The following RPS6KA3 variants were observed in gnomAD, a reference collection of about 807,000 sequenced individuals.
RPS6KA3 encodes the protein ribosomal protein S6 kinase alpha-3.
A neutral mutation model predicts 67.2 loss-of-function variants in RPS6KA3; 4 were observed. That is an observed-to-expected ratio of 0.06 (90% CI 0.03 to 0.14). The LOEUF is 0.14. Among genes scored for constraint, RPS6KA3 ranks in the 10% least tolerant of loss-of-function variants. The pLI, the probability that RPS6KA3 is intolerant of heterozygous loss-of-function variation, is 1.00. For missense variants in RPS6KA3, 204 were observed against 559.0 expected (o/e 0.36, Z 6.40); for synonymous variants, 182 against 183.7 (o/e 0.99, Z 0.07).
At chrX:20,198,067 G>T (rs2068320982) in intron 4 of RPS6KA3, among the ~76,000 whole-genome samples, 1 of 112,139 alleles carries the variant, frequency 8.9e-6, no homozygotes, top group South Asian at 3.7e-4. Context: ...TTTATCTAAT[G>T]TTATTGACTT....
Position 20,186,109 on chromosome X carries a change from G to T in RPS6KA3, c.845+187C>A, listed in dbSNP as rs184708621. The stretch of plus-strand genomic sequence containing the variant: ...GGTGTGTACCACCATGCCCGGCTAA[G>T]TTTTGTATTTTTAGTAGAGATGGGG... On this transcript the variant is annotated intron_variant, in intron 10 of 21. Coordinates refer to ENST00000379565, the MANE Select transcript of RPS6KA3 (RefSeq NM_004586.3). Among the ~76,000 whole-genome samples, 476 of 110,618 alleles carry T rather than the reference G, an allele frequency of 4.3e-3. 1 individual carries two copies. Among genetic ancestry groups the T allele is most frequent in the Non-Finnish European group, 7.1e-3 (374 of 52,773 alleles).
intron 1 of RPS6KA3, among the ~76,000 whole-genome samples, chrX:20,256,193 A>G (rs1002302347): frequency 6.7e-5 from 7 of 104,281 alleles, no homozygotes; most frequent in Admixed American, 1.0e-4. Context: ...AAAAAAAAAA[A>G]AAAAAAGAAA....
chrX:20,159,641 G>A (rs2067263021), intron 20 of RPS6KA3, among the ~76,000 whole-genome samples: 1 of 111,982 alleles, frequency 8.9e-6, no homozygotes, highest in African/African-American at 3.3e-5. Context: ...ATACCAGGAT[G>A]TAAGTGAATG....
chrX:20,192,891 A>G (rs1376508031), intron 7 of RPS6KA3, among the ~76,000 whole-genome samples: 1 of 111,431 alleles, frequency 9.0e-6, no homozygotes, highest in Non-Finnish European at 1.9e-5. Context: ...ACCAAAAATA[A>G]CATTCTGAAA....
At chrX:20,237,281 A>G (rs2069435784) in intron 1 of RPS6KA3, among the ~76,000 whole-genome samples, 1 of 111,416 alleles carries the variant, frequency 9.0e-6, no homozygotes, top group African/African-American at 3.2e-5. Flanking sequence ...AATTGTAAAC[A>G]GTTATCTTTC....
At chrX:20,198,318 A>C (rs2148709172) in intron 4 of RPS6KA3, among the ~76,000 whole-genome samples, 1 of 112,459 alleles carries the variant, frequency 8.9e-6, no homozygotes, top group East Asian at 2.8e-4. Context: ...ATGAAAAATA[A>C]GCAAATTCTT....
chrX:20,266,779 C>T lies in RPS6KA3; in HGVS notation c.-147G>A. 5.7e-6 allele frequency: 2 copies of T among 353,922 alleles called. No homozygotes were observed. The highest frequency in any genetic ancestry group is 1.3e-4 in the South Asian group (1 of 7,643). The allele number at this position is 353,922 out of a possible 1,213,427, so 29.2% of individuals were successfully genotyped here. On this transcript the variant is annotated 5_prime_UTR_variant, in exon 1 of 22. Transcript: ENST00000379565. ...GCAGCGGCAGCGGCAGCAGCAGCAG[C>T]AGCGGCGGCGGCCCCAGAGAGGGCT...
intron 17 of RPS6KA3, among the ~76,000 whole-genome samples, chrX:20,167,035 C>G (rs1028166531): frequency 3.6e-5 from 4 of 110,883 alleles, no homozygotes; most frequent in African/African-American, 1.3e-4. Context: ...TTTAAAAATA[C>G]GATTTTCTCG....
chrX:20,253,058 T>A (rs925215211), intron 1 of RPS6KA3, among the ~76,000 whole-genome samples: 2 of 110,635 alleles, frequency 1.8e-5, no homozygotes, highest in East Asian at 2.9e-4. Flanking sequence ...ATAACTTCCT[T>A]CAGCTTGAAG....
chrX:20,230,883 T>C (rs1190534890), intron 2 of RPS6KA3, among the ~76,000 whole-genome samples: 1 of 111,747 alleles, frequency 8.9e-6, no homozygotes, highest in African/African-American at 3.3e-5. Flanking sequence ...ATCCCACTTA[T>C]GACATAACAA....
At chrX:20,184,594 T>C (rs2067930904) in intron 10 of RPS6KA3, among the ~76,000 whole-genome samples, 1 of 108,563 alleles carries the variant, frequency 9.2e-6, no homozygotes, top group Non-Finnish European at 1.9e-5. Context: ...TTTATTTTTG[T>C]AGAGATGGGG....
chrX:20,195,516 T>C (rs1049571178), intron 4 of RPS6KA3, among the ~76,000 whole-genome samples: 1 of 111,966 alleles, frequency 8.9e-6, no homozygotes, highest in Non-Finnish European at 1.9e-5. Flanking sequence ...TGAATAGGTT[T>C]CAACATTCCA....
intron 2 of RPS6KA3, among the ~76,000 whole-genome samples, chrX:20,220,208 C>T (rs1475402266): frequency 1.8e-5 from 2 of 110,121 alleles, no homozygotes; most frequent in Non-Finnish European, 1.9e-5. Context: ...TGAAGAGTAA[C>T]TAAAAAAAAA....
rs1406774782 is a variant in RPS6KA3 at position 20,158,387 on chromosome X, A to AAAAGAG, written c.1960-2139_1960-2138insCTCTTT. Among the ~76,000 whole-genome samples, 275 of 97,322 alleles carry AAAAGAG rather than the reference A, an allele frequency of 2.8e-3. 6 individuals carry two copies. The highest frequency in any genetic ancestry group is 0.011 in the African/African-American group (254 of 23,379). 84.5% of individuals were successfully genotyped at this position (97,322 alleles called of 115,157 possible). A position where few individuals can be genotyped will look rare whatever the true frequency, so the allele number is the denominator to read the frequency against. On this transcript the variant is annotated intron_variant, in intron 20 of 21. Transcript: ENST00000379565. Reference sequence around the variant, plus strand: ...TCTCAAAAAAAAAAAAAAAAAAAAAAAGAGAGAGAGAGAGAGAGAAATGGA... The same window carrying AAAAGAG: ...TCTCAAAAAAAAAAAAAAAAAAAAAAAAAGAGAGAGAGAGAGAGAGAGAGAAATGGA...
intron 1 of RPS6KA3, among the ~76,000 whole-genome samples, chrX:20,259,349 A>G (rs1275961201): frequency 1.8e-5 from 2 of 111,768 alleles, no homozygotes; most frequent in African/African-American, 3.2e-5. Flanking sequence ...CAGGCCATTT[A>G]GTAGGGGCAA....
intron 1 of RPS6KA3, among the ~76,000 whole-genome samples, chrX:20,256,090 A>T (rs1325839936): frequency 9.8e-6 from 1 of 102,158 alleles, no homozygotes; most frequent in Non-Finnish European, 2.0e-5. Flanking sequence ...AGCCTGGGTG[A>T]CAGAGAAGAA....
At chrX:20,265,131 G>C (rs2070338802) in intron 1 of RPS6KA3, among the ~76,000 whole-genome samples, 1 of 111,403 alleles carries the variant, frequency 9.0e-6, no homozygotes, top group South Asian at 3.7e-4. Flanking sequence ...GCAGCATTTA[G>C]TTCAGGTTTT....
chrX:20,204,011 G>A lies in RPS6KA3; in HGVS notation c.325+11C>T, dbSNP rs749867456. The A allele has an allele frequency of 8.5e-7, 1 of 1,175,692 alleles. No individual in the cohort carries two copies. Among genetic ancestry groups the A allele is most frequent in the Non-Finnish European group, 1.2e-6 (1 of 862,580 alleles). ...GACTACATGAACATTACAAATAGCA[G>A]CAACACTTACCTTTCAGTGTGGCCT... On this transcript the variant is annotated intron_variant, in intron 4 of 21. Coordinates refer to ENST00000379565, the MANE Select transcript of RPS6KA3 (RefSeq NM_004586.3).
At chrX:20,266,945 G>GC (rs1424035942), upstream of RPS6KA3, 161 of 699,607 alleles carry the variant, frequency 2.3e-4, no homozygotes, top group Middle Eastern at 8.3e-4. Context: ...CTACGGCTCC[G>GC]CCCCCCCCGC....
Sources: gnomAD v4.1 joint callset for allele counts (sites outside exome capture counted in the v4.1 genomes callset) on GRCh38, gnomAD v4.1.1 for gene constraint, MANE v1.5 for transcripts, NCBI Gene and HGNC (gene_info 2026-07-23, HGNC 2026-07-21) for gene names.